ANO10: variants seen among roughly 807,000 people sequenced by gnomAD.
ANO10 encodes anoctamin-10.
A neutral mutation model predicts 74.7 loss-of-function variants in ANO10; 77 were observed. That is an observed-to-expected ratio of 1.03 (90% CI 0.86 to 1.25). The LOEUF is 1.25. ANO10 is among the 50% of genes most tolerant of loss of function. ANO10 has a pLI of 0.00. For synonymous variants in ANO10, 279 were observed against 284.9 expected, an observed-to-expected ratio of 0.98 and a Z score of 0.21; for missense variants, 721 against 778.1, an observed-to-expected ratio of 0.93 and a Z score of 0.87.
At chr3:43,380,508 C>T (rs1378654120) in intron 12 of ANO10, among the ~76,000 whole-genome samples, 2 of 152,156 alleles carry the variant, frequency 1.3e-5, no homozygotes, top group Non-Finnish European at 2.9e-5. Context: ...ATCAGAAACC[C>T]TACAAGCTAG....
At chr3:43,426,061 A>T (rs1011929405) in intron 12 of ANO10, among the ~76,000 whole-genome samples, 3 of 152,074 alleles carry the variant, frequency 2.0e-5, no homozygotes, top group African/African-American at 7.2e-5. Flanking sequence ...GACTCTTTCA[A>T]CCAATTGCCA....
chr3:43,501,517 G>T (rs1026161550), intron 11 of ANO10, among the ~76,000 whole-genome samples: 2 of 152,140 alleles, frequency 1.3e-5, no homozygotes, highest in Non-Finnish European at 2.9e-5. Context: ...TAGAGAATCT[G>T]AAGCAGTGAA....
chr3:43,592,844 C>G (rs1418288938), intron 4 of ANO10, among the ~76,000 whole-genome samples: 1 of 152,114 alleles, frequency 6.6e-6, no homozygotes, highest in Non-Finnish European at 1.5e-5. Flanking sequence ...CGCAAACAAG[C>G]TAAAAACTTT....
At chr3:43,629,374 T>C (rs910573213) in intron 1 of ANO10, among the ~76,000 whole-genome samples, 1 of 152,238 alleles carries the variant, frequency 6.6e-6, no homozygotes, top group Non-Finnish European at 1.5e-5. Flanking sequence ...TCTATGAAGA[T>C]AGTCATGTGA....
chr3:43,691,156 G>A, intron 1 of ANO10: 3 of 1,089,714 alleles, frequency 2.8e-6, no homozygotes, highest in Non-Finnish European at 3.6e-6. Flanking sequence ...ACGACGGGCG[G>A]CTTCCTCGAC....
At chr3:43,382,838 C>T (rs2092006832) in intron 12 of ANO10, among the ~76,000 whole-genome samples, 1 of 152,100 alleles carries the variant, frequency 6.6e-6, no homozygotes, top group Admixed American at 6.6e-5. Context: ...GAAATAGAAA[C>T]TCTGAACAGA....
At chr3:43,565,881 C>T (rs1037602011) in intron 7 of ANO10, among the ~76,000 whole-genome samples, 154 bp from the exon 8 acceptor site, 1 of 152,120 alleles carries the variant, frequency 6.6e-6, no homozygotes, top group African/African-American at 2.4e-5. Flanking sequence ...CCAGCCTGAG[C>T]GACGCAGAAG....
At chr3:43,445,331 C>T (rs1237469328) in intron 11 of ANO10, among the ~76,000 whole-genome samples, 1 of 152,016 alleles carries the variant, frequency 6.6e-6, no homozygotes, top group African/African-American at 2.4e-5. Flanking sequence ...TAGTTGTTCA[C>T]TAATTATAAC....
chr3:43,495,264 A>G (rs2076873193), intron 11 of ANO10, among the ~76,000 whole-genome samples: 1 of 152,142 alleles, frequency 6.6e-6, no homozygotes, highest in Non-Finnish European at 1.5e-5. Flanking sequence ...CAACATCTAA[A>G]TGTAAATAAG....
chr3:43,605,420 C>T (rs1164277807), intron 2 of ANO10, among the ~76,000 whole-genome samples: 4 of 152,090 alleles, frequency 2.6e-5, no homozygotes, highest in African/African-American at 9.7e-5. Flanking sequence ...TTTTTAAGCA[C>T]CTACTATGCA....
rs1010520693 is a variant in ANO10, at chr3:43,617,730, G to GA, written c.-12+4178dup. Among the ~76,000 whole-genome samples the GA allele has an allele frequency of 9.9e-4, 149 of 149,804 alleles. 2 individuals carry two copies. In the East Asian group the frequency reaches 0.019, roughly 19 times the overall value. On this transcript the variant is annotated intron_variant, in intron 1 of 12. Coordinates refer to ENST00000292246, the MANE Select transcript of ANO10 (RefSeq NM_018075.5). The stretch of plus-strand genomic sequence containing the variant: ...TATTCTTTTCCTGAATTTGGGTAAA[G>GA]AAAAAAAAAGTCAATGGAATTATCA...
intron 11 of ANO10, among the ~76,000 whole-genome samples, chr3:43,526,435 C>T (rs1362449054): frequency 2.0e-5 from 3 of 152,140 alleles, no homozygotes; most frequent in Non-Finnish European, 4.4e-5. Flanking sequence ...CACGGCAACA[C>T]AGAGGATTAA....
intron 11 of ANO10, among the ~76,000 whole-genome samples, chr3:43,474,524 T>TAATATGTCTCTTAA (rs1169181486): frequency 6.6e-6 from 1 of 152,152 alleles, no homozygotes; most frequent in Admixed American, 6.5e-5. Context: ...GACATATTCA[T>TAATATGTCTCTTAA]TAACTTTGGT....
chr3:43,604,731 C>T (rs1414712370), intron 2 of ANO10, among the ~76,000 whole-genome samples: 2 of 152,030 alleles, frequency 1.3e-5, no homozygotes, highest in East Asian at 3.9e-4. Flanking sequence ...TGAAGGCACA[C>T]AATCAGCAAA....
intron 9 of ANO10, among the ~76,000 whole-genome samples, chr3:43,558,701 A>T (rs1345707766): frequency 6.6e-6 from 1 of 152,226 alleles, no homozygotes; most frequent in East Asian, 1.9e-4. Context: ...ATTGATTTCA[A>T]TTAGGAGAAA....
intron 12 of ANO10, among the ~76,000 whole-genome samples, chr3:43,368,093 C>G (rs749954733): frequency 2.1e-4 from 32 of 152,298 alleles, no homozygotes; most frequent in Non-Finnish European, 4.1e-4. Context: ...AACTCCTGAC[C>G]ATTCTCATGT....
At chr3:43,599,701 C>A (rs890500084) in intron 3 of ANO10, among the ~76,000 whole-genome samples, 1 of 151,882 alleles carries the variant, frequency 6.6e-6, no homozygotes, top group Non-Finnish European at 1.5e-5. Flanking sequence ...GTCAGGAGAT[C>A]GAAATCATCC....
intron 12 of ANO10, among the ~76,000 whole-genome samples, chr3:43,420,475 A>T (rs1261232228): frequency 1.3e-5 from 2 of 152,122 alleles, no homozygotes; most frequent in Non-Finnish European, 2.9e-5. Context: ...GAAAAACAAA[A>T]ACAAAAAGCA....
At chr3:43,477,150 G>C (rs749121869) in intron 11 of ANO10, among the ~76,000 whole-genome samples, 1 of 152,118 alleles carries the variant, frequency 6.6e-6, no homozygotes, top group Admixed American at 6.6e-5. Flanking sequence ...TTTACAAATA[G>C]AGAAATCTTT....
Sources: gnomAD v4.1 joint callset for allele counts (sites outside exome capture counted in the v4.1 genomes callset) on GRCh38, gnomAD v4.1.1 for gene constraint, MANE v1.5 for transcripts, NCBI Gene and HGNC (gene_info 2026-07-23, HGNC 2026-07-21) for gene names.